Variants in LRRC4C observed in about 807,000 individuals in gnomAD.
The protein encoded by LRRC4C is leucine rich repeat containing 4C, also known as leucine-rich repeat-containing protein 4C.
LRRC4C carries 5 observed loss-of-function variants against 33.6 expected under a neutral mutation model. The ratio of observed to expected loss-of-function variants is 0.15; its 90% CI spans 0.08 to 0.31. The LOEUF (loss-of-function observed/expected upper bound fraction) is 0.31. LRRC4C is among the 10% of genes least tolerant of loss of function. The pLI, the probability that LRRC4C is intolerant of heterozygous loss-of-function variation, is 1.00. For synonymous variants in LRRC4C, 329 were observed against 302.0 expected, an observed-to-expected ratio of 1.09 and a Z score of -0.93; for missense variants, 560 against 796.7, an observed-to-expected ratio of 0.70 and a Z score of 3.58.
intron 2 of LRRC4C, among the ~76,000 whole-genome samples, chr11:40,894,093 G>C (rs948641958): frequency 6.6e-6 from 1 of 152,014 alleles, no homozygotes; most frequent in Non-Finnish European, 1.5e-5. Context: ...TAGATGCTTT[G>C]CAGATCAATT....
At chr11:40,622,801 T>C (rs930891371) in intron 3 of LRRC4C, among the ~76,000 whole-genome samples, 2 of 151,802 alleles carry the variant, frequency 1.3e-5, no homozygotes, top group East Asian at 1.9e-4. Context: ...CTCTATATCA[T>C]AGAACACTTG....
chr11:40,408,923 G>T (rs1950058854), intron 3 of LRRC4C, among the ~76,000 whole-genome samples: 1 of 151,718 alleles, frequency 6.6e-6, no homozygotes, highest in South Asian at 2.1e-4. Context: ...TATTCATATG[G>T]GACCACAAAA....
chr11:41,068,370 A>T (rs376182362), intron 1 of LRRC4C, among the ~76,000 whole-genome samples: 12 of 152,272 alleles, frequency 7.9e-5, no homozygotes, highest in African/African-American at 2.6e-4. Context: ...TAGCTTGGGC[A>T]ACAGAGTGGG....
chr11:40,447,267 G>A (rs1951680126), intron 3 of LRRC4C: 1 of 152,868 alleles, frequency 6.5e-6, no homozygotes, highest in Non-Finnish European at 1.5e-5. Flanking sequence ...TTGAAAGACT[G>A]TACTGGAGAC....
intron 3 of LRRC4C, among the ~76,000 whole-genome samples, chr11:40,473,836 T>C (rs1000914841): frequency 6.6e-6 from 1 of 152,062 alleles, no homozygotes; most frequent in Non-Finnish European, 1.5e-5. Flanking sequence ...AAATCATGAG[T>C]GAACTCCCAT....
intron 1 of LRRC4C, among the ~76,000 whole-genome samples, chr11:41,180,008 T>A (rs1351580979): frequency 6.6e-6 from 1 of 152,134 alleles, no homozygotes; most frequent in Non-Finnish European, 1.5e-5. Context: ...TATACAGGAC[T>A]GGCGGGCATG....
chr11:41,163,095 C>T lies in LRRC4C; in HGVS notation c.-495-229372G>A, dbSNP rs12279432. 7.9e-5 allele frequency among the ~76,000 whole-genome samples: 12 copies of T among 152,062 alleles called. No individual in the cohort carries two copies. The South Asian group carries it at 2.5e-3, about 32-fold the overall frequency. On this transcript the variant is annotated intron_variant, in intron 1 of 6. Transcript: ENST00000528697. The stretch of plus-strand genomic sequence containing the variant: ...TTATCAGAAGTATCTGCTTTTGCAT[C>T]TTCCTCATTTTCTCTTGCCGCCACC...
intron 3 of LRRC4C, among the ~76,000 whole-genome samples, chr11:40,498,781 A>G (rs1309218897): frequency 6.6e-6 from 1 of 152,206 alleles, no homozygotes; most frequent in Non-Finnish European, 1.5e-5. Context: ...GGTGTCACTT[A>G]TAAGACATTT....
At chr11:40,436,171 A>G (rs994775835) in intron 3 of LRRC4C, among the ~76,000 whole-genome samples, 2 of 152,214 alleles carry the variant, frequency 1.3e-5, no homozygotes, top group Admixed American at 6.5e-5. Context: ...AATGGTTGCT[A>G]TAGTCTAGCT....
chr11:40,432,102 G>A (rs141215964), intron 3 of LRRC4C, among the ~76,000 whole-genome samples: 478 of 152,166 alleles, frequency 3.1e-3, no homozygotes, highest in Middle Eastern at 6.8e-3. Context: ...ATATCAGCTG[G>A]CACTTAAAAT....
intron 3 of LRRC4C, among the ~76,000 whole-genome samples, chr11:40,361,136 A>AACG (rs1412273523): frequency 1.1e-4 from 16 of 152,306 alleles, no homozygotes; most frequent in African/African-American, 3.6e-4. Context: ...CATAACTAAC[A>AACG]TCATACTAAC....
chr11:41,057,675 G>C (rs771259125), intron 1 of LRRC4C, among the ~76,000 whole-genome samples: 1 of 152,214 alleles, frequency 6.6e-6, no homozygotes, highest in Non-Finnish European at 1.5e-5. Context: ...GCAGAGAAGA[G>C]CAACCCAACC....
chr11:41,291,340 T>A (rs1274753656), intron 1 of LRRC4C, among the ~76,000 whole-genome samples: 1 of 152,140 alleles, frequency 6.6e-6, no homozygotes, highest in Non-Finnish European at 1.5e-5. Context: ...GCAAACACAC[T>A]ACAAATACAT....
chr11:41,304,426 G>T (rs1471800938), intron 1 of LRRC4C, among the ~76,000 whole-genome samples: 1 of 82,840 alleles, frequency 1.2e-5, no homozygotes. Flanking sequence ...CCGGCCAGCC[G>T]CCCCGTCTGG....
intron 2 of LRRC4C, among the ~76,000 whole-genome samples, chr11:40,801,119 C>T (rs10837505): frequency 0.13 from 19,613 of 152,130 alleles, 2,260 homozygotes; most frequent in African/African-American, 0.32. Flanking sequence ...GAATCACTCT[C>T]GCATAAAGAA....
intron 4 of LRRC4C, among the ~76,000 whole-genome samples, chr11:40,307,017 A>C (rs61911099): frequency 1.2e-4 from 3 of 24,694 alleles, no homozygotes; most frequent in Admixed American, 9.2e-4. Flanking sequence ...TATCTATCTA[A>C]TATCTATCTA....
intron 3 of LRRC4C, among the ~76,000 whole-genome samples, chr11:40,565,859 T>A (rs1217276864): frequency 1.3e-5 from 2 of 151,988 alleles, no homozygotes; most frequent in Non-Finnish European, 2.9e-5. Context: ...GGAGGAAAAA[T>A]TTTAAAAAAG....
intron 4 of LRRC4C, among the ~76,000 whole-genome samples, chr11:40,290,300 CA>C (rs1944105420): frequency 6.6e-6 from 1 of 151,922 alleles, no homozygotes; most frequent in African/African-American, 2.4e-5. Flanking sequence ...CAAACGAATG[CA>C]AAAAAAGTGC....
chr11:41,320,825 G>C (rs553857593), intron 1 of LRRC4C, among the ~76,000 whole-genome samples: 2 of 152,222 alleles, frequency 1.3e-5, no homozygotes, highest in Non-Finnish European at 2.9e-5. Context: ...TACATCTGAG[G>C]CTCTGGGGAA....
Sources: gnomAD v4.1 joint callset for allele counts (sites outside exome capture counted in the v4.1 genomes callset) on GRCh38, gnomAD v4.1.1 for gene constraint, MANE v1.5 for transcripts, NCBI Gene and HGNC (gene_info 2026-07-23, HGNC 2026-07-21) for gene names.